The following PRDM11 variants were observed in gnomAD, a reference collection of about 807,000 sequenced individuals.
PRDM11 encodes the protein PR domain-containing protein 11.
PRDM11 carries 20 observed loss-of-function variants against 97.8 expected under a neutral mutation model. The ratio of observed to expected loss-of-function variants is 0.20; its 90% CI spans 0.14 to 0.30. The LOEUF (loss-of-function observed/expected upper bound fraction) is 0.30. PRDM11 is among the 10% of genes least tolerant of loss of function. The probability of loss-of-function intolerance (pLI) is 1.00; values close to 1 mark genes in which losing one functional copy is unlikely to be tolerated. For missense variants in PRDM11, 1,139 were observed against 1,555.2 expected, an observed-to-expected ratio of 0.73 and a Z score of 4.50; for synonymous variants, 599 against 637.7, an observed-to-expected ratio of 0.94 and a Z score of 0.91.
At chr11:45,154,545 C>T (rs972053922) in intron 1 of PRDM11, among the ~76,000 whole-genome samples, 1 of 152,144 alleles carries the variant, frequency 6.6e-6, no homozygotes, top group African/African-American at 2.4e-5. Context: ...GCCCATCCTG[C>T]TCCCAAGCAG....
At chr11:45,128,498 G>A (rs559469743) in intron 1 of PRDM11, among the ~76,000 whole-genome samples, 16 of 149,944 alleles carry the variant, frequency 1.1e-4, no homozygotes, top group South Asian at 6.4e-4. Context: ...GCTACACCCC[G>A]CGCACCCCCC....
intron 5 of PRDM11, chr11:45,216,032 G>C (rs915902965): frequency 6.6e-6 from 1 of 152,652 alleles, no homozygotes; most frequent in African/African-American, 2.4e-5. Context: ...AAGACACAGT[G>C]GGTGAGGTCT....
At chr11:45,125,025 T>A (rs566394196) in intron 1 of PRDM11, among the ~76,000 whole-genome samples, 15 of 152,324 alleles carry the variant, frequency 9.8e-5, no homozygotes, top group Non-Finnish European at 1.6e-4. Context: ...GAGCCTGTTA[T>A]TGGTCTATTC....
At chr11:45,196,592 C>T (rs1009207540) in intron 4 of PRDM11, among the ~76,000 whole-genome samples, 1 of 152,146 alleles carries the variant, frequency 6.6e-6, no homozygotes, top group Non-Finnish European at 1.5e-5. Flanking sequence ...GGATTGAGGC[C>T]AGTCTGCTTG....
At chr11:45,167,608 C>G (rs1852095292) in intron 1 of PRDM11, among the ~76,000 whole-genome samples, 1 of 152,120 alleles carries the variant, frequency 6.6e-6, no homozygotes, top group South Asian at 2.1e-4. Context: ...GTGTTCACAC[C>G]AATGTCTCCT....
intron 1 of PRDM11, among the ~76,000 whole-genome samples, chr11:45,164,626 G>C (rs1220782689): frequency 6.6e-6 from 1 of 152,198 alleles, no homozygotes; most frequent in Admixed American, 6.5e-5. Context: ...CTGTGCCTTT[G>C]GGTTATCATG....
chr11:45,129,456 C>G (rs891677779), intron 1 of PRDM11, among the ~76,000 whole-genome samples: 1 of 152,102 alleles, frequency 6.6e-6, no homozygotes, highest in South Asian at 2.1e-4. Context: ...GTCGTTTAAA[C>G]AAGGTGACTT....
intron 5 of PRDM11, chr11:45,209,342 C>T: frequency 2.8e-6 from 1 of 354,276 alleles, no homozygotes; most frequent in Non-Finnish European, 5.6e-6. Flanking sequence ...TGCCTGCCCC[C>T]CAGCTTACAG....
At chr11:45,100,422 G>A (rs1341366859) in intron 1 of PRDM11, among the ~76,000 whole-genome samples, 1 of 152,190 alleles carries the variant, frequency 6.6e-6, no homozygotes, top group African/African-American at 2.4e-5. Flanking sequence ...TACACAAATG[G>A]CTCTTCATTT....
upstream of PRDM11, among the ~76,000 whole-genome samples, chr11:45,142,505 C>T (rs1851427453): frequency 2.0e-5 from 3 of 152,266 alleles, no homozygotes; most frequent in Admixed American, 6.5e-5. Flanking sequence ...CTCACTCCCA[C>T]GCCACTATTC....
Position 45,226,410 on chromosome 11 carries a change from C to A in PRDM11, c.1785C>A (p.Thr595=). Residue 595 remains threonine (T), a synonymous_variant, in exon 8 of 8, where the codon ACC becomes ACA. Coordinates refer to ENST00000683152, the MANE Select transcript of PRDM11 (RefSeq NM_001384648.1). ...GCAACATGACCCTGCTCTTCAACACCGCCTACCACCTGGCCTTGGAGGGCA... is the reference window on the plus strand; with the variant it reads ...GCAACATGACCCTGCTCTTCAACACAGCCTACCACCTGGCCTTGGAGGGCA... ...MCRNMTLLFN[T]AYHLALEGRP... is the part of the protein sequence containing the mutation. The A allele has an allele frequency of 6.5e-7, 1 of 1,534,014 alleles. No individual in the cohort carries two copies. Among genetic ancestry groups the A allele is most frequent in the Non-Finnish European group, 8.7e-7 (1 of 1,146,750 alleles).
chr11:45,114,353 A>G (rs7124466), intron 1 of PRDM11, among the ~76,000 whole-genome samples: 128,251 of 152,106 alleles, frequency 0.84, 55,000 homozygotes, highest in African/African-American at 0.9. Flanking sequence ...CTGGCAGAAG[A>G]GTCAATGAAC....
chr11:45,198,523 A>G (rs1421911612), intron 4 of PRDM11, among the ~76,000 whole-genome samples: 1 of 152,216 alleles, frequency 6.6e-6, no homozygotes, highest in Admixed American at 6.5e-5. Flanking sequence ...TGCTTTATGG[A>G]TTCAATGAAT....
intron 4 of PRDM11, among the ~76,000 whole-genome samples, chr11:45,187,445 CA>C (rs1319094902): frequency 6.6e-6 from 1 of 152,200 alleles, no homozygotes; most frequent in African/African-American, 2.4e-5. Context: ...ATCTTTAAAG[CA>C]GATGAACTTT....
At position 45,171,616 on chromosome 11, in the gene PRDM11, C is replaced by T. The variant is rs117064258; in HGVS notation, c.-6-10145C>T. 3.3e-5 allele frequency among the ~76,000 whole-genome samples: 5 copies of T among 152,290 alleles called. No homozygotes were observed. In the East Asian group the frequency reaches 9.7e-4, roughly 29 times the overall value. ...AGGCACCATCAAGGCAGATGCTTTACAGAGGCACAGGCAGAGTGCTGGGCC... is the reference window on the plus strand; with the variant it reads ...AGGCACCATCAAGGCAGATGCTTTATAGAGGCACAGGCAGAGTGCTGGGCC... On this transcript the variant is annotated intron_variant, in intron 1 of 7. Coordinates refer to ENST00000683152, the MANE Select transcript of PRDM11 (RefSeq NM_001384648.1).
intron 1 of PRDM11, among the ~76,000 whole-genome samples, chr11:45,104,850 TC>T (rs1170393793): frequency 6.6e-6 from 1 of 152,148 alleles, no homozygotes; most frequent in African/African-American, 2.4e-5. Flanking sequence ...CCTTGTGATG[TC>T]CAAGCAGCTT....
Position 45,229,558 on chromosome 11 carries a change from T to A in PRDM11, c.*1399T>A, listed in dbSNP as rs887578460. 6.6e-6 allele frequency: 1 copy of A among 152,128 alleles called. No individual in the cohort carries two copies. The highest frequency in any genetic ancestry group is 1.5e-5 in the Non-Finnish European group (1 of 68,044). The allele number at this position is 152,128 out of a possible 1,614,324, so 9.4% of individuals were successfully genotyped here. On this transcript the variant is annotated 3_prime_UTR_variant, in exon 8 of 8. Coordinates refer to ENST00000683152, the MANE Select transcript of PRDM11 (RefSeq NM_001384648.1). ...AATATAAGCTTTAGAAATAGCCACTTGCCTATTCCCTGGGGCAAGTAGTGG... is the reference window on the plus strand; with the variant it reads ...AATATAAGCTTTAGAAATAGCCACTAGCCTATTCCCTGGGGCAAGTAGTGG...
chr11:45,206,083 C>T (rs1005608377), intron 5 of PRDM11, among the ~76,000 whole-genome samples: 2 of 152,194 alleles, frequency 1.3e-5, no homozygotes, highest in South Asian at 4.1e-4. Context: ...TTCTCACTGC[C>T]ACGGGGTCCA....
intron 1 of PRDM11, among the ~76,000 whole-genome samples, chr11:45,151,886 A>G (rs1167864975): frequency 2.0e-5 from 3 of 151,978 alleles, no homozygotes; most frequent in Non-Finnish European, 4.4e-5. Flanking sequence ...GTGTAAGGGG[A>G]GGAGATGGAG....
Sources: allele counts gnomAD v4.1 joint callset (sites outside exome capture counted in the v4.1 genomes callset), GRCh38; gene constraint gnomAD v4.1.1; transcripts MANE v1.5; gene names NCBI Gene and HGNC (gene_info 2026-07-23, HGNC 2026-07-21).